The following SPAG9 variants were observed in gnomAD, a reference collection of about 807,000 sequenced individuals.
SPAG9 encodes the protein C-Jun-amino-terminal kinase-interacting protein 4.
Under a neutral mutation model 166.5 loss-of-function variants are expected in SPAG9, and 35 were observed. The ratio of observed to expected loss-of-function variants is 0.21; its 90% CI spans 0.16 to 0.28. The LOEUF (loss-of-function observed/expected upper bound fraction) is 0.28. Among genes scored for constraint, SPAG9 ranks in the 10% least tolerant of loss-of-function variants. SPAG9 has a pLI of 1.00. For missense variants in SPAG9, 1,235 were observed against 1,603.3 expected (o/e 0.77, Z 3.92); for synonymous variants, 534 against 565.5 (o/e 0.94, Z 0.79).
intron 29 of SPAG9, among the ~76,000 whole-genome samples, chr17:50,969,697 T>C (rs1286711147): frequency 6.6e-6 from 1 of 152,192 alleles, no homozygotes; most frequent in Non-Finnish European, 1.5e-5. Flanking sequence ...AATGGTTTCA[T>C]ATCTCTAAAC....
chr17:50,979,949 T>C (rs1014203529), intron 25 of SPAG9, 32 bp from the exon 26 acceptor site: 5 of 1,597,172 alleles, frequency 3.1e-6, no homozygotes, highest in Non-Finnish European at 4.3e-6. Flanking sequence ...CAAAGTTACT[T>C]TTGCTACATA....
At chr17:51,035,215 T>C (rs2046540457) in intron 5 of SPAG9, among the ~76,000 whole-genome samples, 1 of 152,072 alleles carries the variant, frequency 6.6e-6, no homozygotes, top group Non-Finnish European at 1.5e-5. Context: ...AGGATATTAG[T>C]GGAAAAACTG....
rs890456691 is a variant in SPAG9, at chr17:51,105,245, T to C, written c.303+15109A>G. On this transcript the variant is annotated intron_variant, in intron 1 of 29. Coordinates refer to ENST00000262013, the MANE Select transcript of SPAG9 (RefSeq NM_001130528.3). ...CCCAGGAGCACAACATTCATCTGAG[T>C]AAGAAGAATCCACAGAATGGTCACG... Among the ~76,000 whole-genome samples the C allele has an allele frequency of 1.9e-4, 29 of 152,230 alleles. 1 individual carries two copies. The highest frequency in any genetic ancestry group is 6.8e-3 in the Middle Eastern group (2 of 294).
In SPAG9 at chr17:50,979,763, T is replaced by C. The variant is rs755851925; in HGVS notation, c.3392A>G (p.Tyr1131Cys). 1.9e-6 allele frequency: 3 copies of C among 1,611,430 alleles called. No individual in the cohort carries two copies. Among genetic ancestry groups the C allele is most frequent in the Non-Finnish European group, 1.7e-6 (2 of 1,177,694 alleles). Reference protein sequence around the residue: ...QHLQDVDIEPYVSKMLGTGKL... With the variant: ...QHLQDVDIEPCVSKMLGTGKL... Reference sequence around the variant, plus strand: ...AAGCTTACCTAACATTTTGCTTACATAAGGCTCAATGTCCACATCCTGTAG... The same window carrying C: ...AAGCTTACCTAACATTTTGCTTACACAAGGCTCAATGTCCACATCCTGTAG... The change falls in exon 26 of 30, where the codon TAT becomes TGT. Residue 1131 changes from tyrosine (Y) to cysteine (C), a missense_variant. Coordinates refer to ENST00000262013, the MANE Select transcript of SPAG9 (RefSeq NM_001130528.3).
chr17:51,083,024 A>C (rs2048209827), intron 1 of SPAG9, among the ~76,000 whole-genome samples: 1 of 152,156 alleles, frequency 6.6e-6, no homozygotes, highest in African/African-American at 2.4e-5. Flanking sequence ...CTGCAGACTG[A>C]CATCTTTTTC....
At chr17:51,022,906 C>T (rs2045997075) in intron 6 of SPAG9, among the ~76,000 whole-genome samples, 1 of 149,174 alleles carries the variant, frequency 6.7e-6, no homozygotes, top group Non-Finnish European at 1.5e-5. Context: ...GCTGAGATCG[C>T]ATCCAGTCTG....
At position 50,990,666 on chromosome 17, in the gene SPAG9, C is replaced by T; in HGVS notation, c.2401G>A (p.Ala801Thr). ...CCTGCAGGGTAGTCTGTTTCTCGTG[C>T]ACCTGAAAAATAAATCTTCTTGTAA... is the stretch of plus-strand genomic sequence containing the variant. ...HVLCIASVPGARETDYPAGED... is the reference protein window; with the variant it reads ...HVLCIASVPGTRETDYPAGED... The change falls in exon 20 of 30, where the codon GCA (alanine) becomes ACA (threonine). Residue 801 changes from alanine (A) to threonine (T), a missense_variant and splice_region_variant. Ala to Thr is a moderately conservative substitution (Grantham distance 58). Transcript: ENST00000262013. 6.2e-7 allele frequency: 1 copy of T among 1,612,982 alleles called. No individual in the cohort carries two copies. Among genetic ancestry groups the T allele is most frequent in the African/African-American group, 1.3e-5 (1 of 74,984 alleles).
intron 28 of SPAG9, 73 bp from the exon 29 acceptor site, chr17:50,970,929 TA>T: frequency 2.3e-6 from 3 of 1,291,860 alleles, no homozygotes; most frequent in Non-Finnish European, 2.2e-6. Flanking sequence ...TTTTTTTAAG[TA>T]TTTTTAGAGT....
intron 1 of SPAG9, among the ~76,000 whole-genome samples, chr17:51,113,954 C>T (rs1402274534): frequency 6.6e-6 from 1 of 152,154 alleles, no homozygotes; most frequent in Non-Finnish European, 1.5e-5. Flanking sequence ...GGGATTACAC[C>T]ACTGCACTCT....
At chr17:50,977,260 A>G (rs774757218) in intron 26 of SPAG9, 39 bp from the exon 27 acceptor site, 16 of 1,260,176 alleles carry the variant, frequency 1.3e-5, no homozygotes, top group Non-Finnish European at 3.5e-6. Flanking sequence ...GAGAAACTAA[A>G]GCAGACAGTG....
In SPAG9 at chr17:50,993,798, G is replaced by C; in HGVS notation, c.2364C>G (p.Cys788Trp). ...PGNILDSFTV[C>W]NSHVLCIASV... ...TTGCAATGCACAGAACATGAGAGTT[G>C]CAAACAGTGAAACTGTCTAGGATGT... Residue 788 changes from cysteine to tryptophan, a missense_variant, in exon 19 of 30, where the codon TGC becomes TGG. Physicochemically the swap from Cys to Trp is radical, Grantham distance 215 (BLOSUM62 -2). Around this residue, in one of 6 missense-constraint regions of SPAG9, gnomAD observed 493 missense variants for 559.4 expected, o/e 0.88. Transcript: ENST00000262013. 1 of 1,614,104 alleles carries C rather than the reference G, an allele frequency of 6.2e-7. No individual in the cohort carries two copies. Among genetic ancestry groups the C allele is most frequent in the South Asian group, 1.1e-5 (1 of 91,060 alleles).
chr17:51,056,030 C>G (rs1449972146), intron 3 of SPAG9, among the ~76,000 whole-genome samples: 1 of 151,938 alleles, frequency 6.6e-6, no homozygotes. Flanking sequence ...ATGTAGAGAC[C>G]CTTTACCAAT....
chr17:51,018,844 G>T (rs1025692576), intron 8 of SPAG9, among the ~76,000 whole-genome samples: 1 of 152,144 alleles, frequency 6.6e-6, no homozygotes, highest in Non-Finnish European at 1.5e-5. Flanking sequence ...GCCCTGCCAT[G>T]TCCACTCTGT....
At position 50,965,370 on chromosome 17, in the gene SPAG9, T is replaced by G. The variant is rs963901171; in HGVS notation, c.*902A>C. The G allele has an allele frequency of 5.3e-5, 8 of 152,312 alleles. No individual in the cohort carries two copies. Among genetic ancestry groups the G allele is most frequent in the Admixed American group, 3.9e-4 (6 of 15,298 alleles). 9.4% of individuals were successfully genotyped at this position (152,312 alleles called of 1,614,324 possible). ...CAGGTTAAGAGCAATCTAGGAACAT[T>G]TGGCAAACAAGTACATTTTTTACAT... On this transcript the variant is annotated 3_prime_UTR_variant, in exon 30 of 30. Transcript: ENST00000262013.
At chr17:51,089,632 AT>A (rs2048402384) in intron 1 of SPAG9, among the ~76,000 whole-genome samples, 1 of 71,518 alleles carries the variant, frequency 1.4e-5, no homozygotes, top group Non-Finnish European at 2.6e-5. Context: ...ATATATATAT[AT>A]ATATATATAT....
At position 51,015,038 on chromosome 17, in the gene SPAG9, T is replaced by C. The variant is rs141967813; in HGVS notation, c.1092-685A>G. Among the ~76,000 whole-genome samples the C allele has an allele frequency of 7.3e-3, 1,113 of 151,700 alleles. 6 individuals carry two copies. The highest frequency in any genetic ancestry group is 0.014 in the South Asian group (67 of 4,802). On this transcript the variant is annotated intron_variant, in intron 8 of 29. Transcript: ENST00000262013. Reference sequence around the variant, plus strand: ...ACATAGTCATTTATCACCTAATAACTCAGAAGCTCAACTAAAATGAAAGTT... The same window carrying C: ...ACATAGTCATTTATCACCTAATAACCCAGAAGCTCAACTAAAATGAAAGTT...
intron 1 of SPAG9, among the ~76,000 whole-genome samples, chr17:51,083,712 T>C (rs1445805079): frequency 7.2e-5 from 11 of 152,008 alleles, no homozygotes; most frequent in Admixed American, 6.6e-4. Context: ...TGAGCCACCA[T>C]GTTTAACTTT....
intron 2 of SPAG9, among the ~76,000 whole-genome samples, chr17:51,077,105 GCTATCTAGCTATCTAGCTAGCTAT>G (rs1568065895): frequency 1.1e-4 from 14 of 125,442 alleles, no homozygotes; most frequent in African/African-American, 3.3e-4. Flanking sequence ...TATCTAGCTA[GCTATCTAGCTATCTAGCTAGCTAT>G]CTATCTATTT....
intron 1 of SPAG9, among the ~76,000 whole-genome samples, chr17:51,093,900 A>C (rs2048541770): frequency 6.6e-6 from 1 of 152,070 alleles, no homozygotes; most frequent in Non-Finnish European, 1.5e-5. Flanking sequence ...CCACACAGGA[A>C]ATAAGAGGTT....
Sources: allele counts gnomAD v4.1 joint callset (sites outside exome capture counted in the v4.1 genomes callset), GRCh38; gene constraint gnomAD v4.1.1; regional missense constraint gnomAD v4.1.1; transcripts MANE v1.5; gene names NCBI Gene and HGNC (gene_info 2026-07-23, HGNC 2026-07-21).